Variants in NOMO3 observed in about 807,000 individuals in gnomAD.
NOMO3 encodes the protein NODAL modulator 3, also known as BOS complex subunit NOMO3.
Under a neutral mutation model 69.9 loss-of-function variants are expected in NOMO3, and 15 were observed. The observed-to-expected ratio is 0.21, with a 90% CI of 0.14 to 0.33. The LOEUF (loss-of-function observed/expected upper bound fraction) is 0.33, where lower values mean the gene tolerates loss of function less well. Among genes scored for constraint, NOMO3 ranks in the 10% least tolerant of loss-of-function variants. The pLI is 1.00. For missense variants in NOMO3, 218 were observed against 761.0 expected (o/e 0.29, Z 8.39); for synonymous variants, 89 against 301.9 (o/e 0.29, Z 7.31).
chr16:16,265,805 C>T (rs991020609), intron 15 of NOMO3, among the ~76,000 whole-genome samples: 16 of 132,698 alleles, frequency 1.2e-4, no homozygotes, highest in East Asian at 5.1e-4. Context: ...TTCAGCCCCC[C>T]GAGTAGCTGG....
In NOMO3 at chr16:16,264,672, C is replaced by CGAG. The variant is rs1380855096; in HGVS notation, c.1670-370_1670-368dup. ...AGGAGATTCTCTTGCCTCAGCTTCCCGAGTAGCTGGGATTACAGGCATGCA... is the reference window on the plus strand; with the variant it reads ...AGGAGATTCTCTTGCCTCAGCTTCCCGAGGAGTAGCTGGGATTACAGGCATGCA... On this transcript the variant is annotated intron_variant, in intron 14 of 30. Transcript: ENST00000399336. Among the ~76,000 whole-genome samples the CGAG allele has an allele frequency of 2.2e-4, 30 of 135,024 alleles. No individual in the cohort carries two copies. In the South Asian group the frequency reaches 4.7e-3, roughly 21 times the overall value. 88.6% of individuals were successfully genotyped at this position (135,024 alleles called of 152,430 possible). A position where few individuals can be genotyped will look rare whatever the true frequency, so the allele number is the denominator to read the frequency against.
chr16:16,262,928 T>G, intron 12 of NOMO3, 146 bp from the exon 13 acceptor site: 1 of 1,419,042 alleles, frequency 7.0e-7, no homozygotes, highest in Non-Finnish European at 9.4e-7. Context: ...GTGGATTTGT[T>G]GTGATTGTAA....
intron 11 of NOMO3, among the ~76,000 whole-genome samples, chr16:16,258,207 A>T (rs558803651): frequency 7.0e-6 from 1 of 143,048 alleles, no homozygotes; most frequent in South Asian, 2.2e-4. Context: ...AAATAAAGAG[A>T]TAAAAATTAA....
intron 8 of NOMO3, 70 bp downstream of exon 8, chr16:16,252,170 T>C: frequency 6.9e-7 from 1 of 1,446,616 alleles, no homozygotes; most frequent in South Asian, 1.2e-5. Flanking sequence ...CAATGCTGTT[T>C]GGGTGTTAAA....
chr16:16,263,036 C>G (rs369731654), intron 12 of NOMO3, 38 bp from the exon 13 acceptor site: 1 of 1,590,338 alleles, frequency 6.3e-7, no homozygotes. Context: ...AAGATCTCCC[C>G]GAATGCAGCC....
chr16:16,266,713 G>A (rs1369038514), intron 15 of NOMO3: 4 of 490,496 alleles, frequency 8.2e-6, no homozygotes, highest in Non-Finnish European at 1.5e-5. Context: ...TTACTGACCA[G>A]TTGAGATCAC....
chr16:16,241,136 G>T (rs1448509635), intron 3 of NOMO3, among the ~76,000 whole-genome samples: 1 of 144,324 alleles, frequency 6.9e-6, no homozygotes, highest in South Asian at 2.2e-4. Context: ...CACTTCACCA[G>T]CACCCCAGAA....
Position 16,243,246 on chromosome 16 carries a change from C to A in NOMO3, c.387C>A (p.Phe129Leu), listed in dbSNP as rs752381827. 6 of 1,043,576 alleles carry A rather than the reference C, an allele frequency of 5.7e-6. No homozygotes were observed. In the South Asian group the frequency reaches 9.6e-5, roughly 17 times the overall value. The allele number at this position is 1,043,576 out of a possible 1,614,324, so 64.6% of individuals were successfully genotyped here. Residue 129 changes from phenylalanine (F) to leucine (L), a missense_variant, in exon 4 of 31, where the codon TTC becomes TTA. Physicochemically the swap from Phe to Leu is conservative, Grantham distance 22. Transcript: ENST00000399336. ...ACATCAACTTTGTCTTCACTGGGTT[C>A]TCTGTGAATGGCAAGGTTTGTCTTT... ...GGDINFVFTGFSVNGKVLSKG... is the reference protein window; with the variant it reads ...GGDINFVFTGLSVNGKVLSKG...
rs1451421496 is a variant in NOMO3, at chr16:16,244,208, C to T, written c.403-860C>T. Among the ~76,000 whole-genome samples the T allele has an allele frequency of 5.6e-5, 8 of 142,408 alleles. 1 individual carries two copies. The highest frequency in any genetic ancestry group is 2.3e-4 in the African/African-American group (8 of 34,876). 93.4% of individuals were successfully genotyped at this position (142,408 alleles called of 152,430 possible). On this transcript the variant is annotated intron_variant, in intron 4 of 30. Coordinates refer to ENST00000399336, the MANE Select transcript of NOMO3 (RefSeq NM_001004067.4). Reference sequence around the variant, plus strand: ...CTTTGCGGTGACGGGGAGGCCCTTCCATCCCAGCTGTATGTGTGGGCTTCT... The same window carrying T: ...CTTTGCGGTGACGGGGAGGCCCTTCTATCCCAGCTGTATGTGTGGGCTTCT...
intron 9 of NOMO3, among the ~76,000 whole-genome samples, chr16:16,255,192 C>T (rs1596807648): frequency 7.1e-6 from 1 of 141,546 alleles, no homozygotes; most frequent in East Asian, 2.3e-4. Context: ...GGATTACAGG[C>T]GTGAACCACT....
intron 20 of NOMO3, among the ~76,000 whole-genome samples, 184 bp downstream of exon 20, chr16:16,274,259 TTGGATGGATGGA>T (rs879029300): frequency 8.5e-6 from 1 of 117,374 alleles, no homozygotes; most frequent in South Asian, 3.0e-4. Context: ...GATGGTTGGG[TTGGATGGATGGA>T]TGGATGGATG....
chr16:16,263,157 G>A lies in NOMO3; in HGVS notation c.1479G>A (p.Val493=), dbSNP rs776475958. The A allele has an allele frequency of 7.0e-5, 112 of 1,591,186 alleles. 5 individuals carry two copies. The highest frequency in any genetic ancestry group is 2.9e-4 in the South Asian group (26 of 89,314). ...CTCTTACTGTGACCGACAGGCCTGT[G>A]ATGGATGTGGCCTTTGTACAGTTCT... ...TFPLTVTDRP[V]MDVAFVQFLA... is the part of the protein sequence containing the mutation. The change falls in exon 13 of 31, where the codon GTG becomes GTA. Residue 493 remains valine (V), a synonymous_variant. Coordinates refer to ENST00000399336, the MANE Select transcript of NOMO3 (RefSeq NM_001004067.4).
At chr16:16,268,439 T>C (rs2049636799) in intron 16 of NOMO3, among the ~76,000 whole-genome samples, 1 of 144,816 alleles carries the variant, frequency 6.9e-6, no homozygotes, top group Admixed American at 6.7e-5. Flanking sequence ...TTGGTAGATG[T>C]GAAGTCGTGT....
At position 16,265,174 on chromosome 16, in the gene NOMO3, A is replaced by G; in HGVS notation, c.1801A>G (p.Thr601Ala). 6.3e-7 allele frequency: 1 copy of G among 1,586,310 alleles called. No homozygotes were observed. Among genetic ancestry groups the G allele is most frequent in the Non-Finnish European group, 8.5e-7 (1 of 1,177,452 alleles). ...MLRCSLSHAI[T>A]LEFYQDGNGR... The stretch of plus-strand genomic sequence containing the variant: ...GAGATGTTCCCTGTCTCACGCCATC[A>G]CTCTGGTATGTACGGCTTATGGAGT... The change falls in exon 15 of 31, where the codon ACT becomes GCT. Residue 601 changes from threonine (T) to alanine (A), a missense_variant. Coordinates refer to ENST00000399336, the MANE Select transcript of NOMO3 (RefSeq NM_001004067.4).
chr16:16,265,338 A>T lies in NOMO3; in HGVS notation c.1806+159A>T, dbSNP rs1424376958. 8.1e-6 allele frequency: 11 copies of T among 1,360,444 alleles called. No individual in the cohort carries two copies. In the East Asian group the frequency reaches 1.2e-4, roughly 15 times the overall value. The allele number at this position is 1,360,444 out of a possible 1,614,324, so 84.3% of individuals were successfully genotyped here. The stretch of plus-strand genomic sequence containing the variant: ...GTTACGCAACGCATAATCAGGAAGC[A>T]TTTATACTCTCTCAGTGGAAGGACC... On this transcript the variant is annotated intron_variant, in intron 15 of 30. Coordinates refer to ENST00000399336, the MANE Select transcript of NOMO3 (RefSeq NM_001004067.4).
chr16:16,255,062 G>A lies in NOMO3; in HGVS notation c.964-658G>A, dbSNP rs1361992794. Among the ~76,000 whole-genome samples the A allele has an allele frequency of 2.8e-5, 4 of 143,924 alleles. 1 individual carries two copies. The highest frequency in any genetic ancestry group is 8.5e-5 in the African/African-American group (3 of 35,180). The allele number at this position is 143,924 out of a possible 152,430, so 94.4% of individuals were successfully genotyped here. On this transcript the variant is annotated intron_variant, in intron 9 of 30. Coordinates refer to ENST00000399336, the MANE Select transcript of NOMO3 (RefSeq NM_001004067.4). ...CGAGTAGCTGGGATTACAGGCGCCC[G>A]CCACCACACCTGGCTAATTTTTGTA...
chr16:16,255,676 G>T lies in NOMO3; in HGVS notation c.964-44G>T, dbSNP rs779338083. The stretch of plus-strand genomic sequence containing the variant: ...AGCAGAAGGAGGCTTTGTGGCTCTG[G>T]CACAGGAGCACCTTCGAGCACCTTC... On this transcript the variant is annotated intron_variant, in intron 9 of 30. Coordinates refer to ENST00000399336, the MANE Select transcript of NOMO3 (RefSeq NM_001004067.4). 6.9e-6 allele frequency: 11 copies of T among 1,590,102 alleles called. 1 individual carries two copies. The highest frequency in any genetic ancestry group is 9.4e-6 in the Non-Finnish European group (11 of 1,176,098).
intron 1 of NOMO3, among the ~76,000 whole-genome samples, chr16:16,235,384 G>A (rs1430067344): frequency 1.3e-5 from 2 of 148,348 alleles, no homozygotes; most frequent in East Asian, 4.0e-4. Context: ...CCTCAGAGTG[G>A]TTGAGCTGTG....
chr16:16,265,637 G>GATATATATAT (rs1160088009), intron 15 of NOMO3, among the ~76,000 whole-genome samples: 36 of 42,364 alleles, frequency 8.5e-4, no homozygotes, highest in African/African-American at 9.8e-4. Flanking sequence ...GAGTTTCTCT[G>GATATATATAT]ATATATATAT....
Sources: allele counts gnomAD v4.1 joint callset (sites outside exome capture counted in the v4.1 genomes callset), GRCh38; gene constraint gnomAD v4.1.1; transcripts MANE v1.5; gene names NCBI Gene and HGNC (gene_info 2026-07-23, HGNC 2026-07-21).